SNX24: variants seen among roughly 807,000 people sequenced by gnomAD.
SNX24 encodes sorting nexin-24.
SNX24 carries 22 observed loss-of-function variants against 28.7 expected under a neutral mutation model. The observed-to-expected ratio is 0.77, with a 90% CI of 0.55 to 1.10. The LOEUF is 1.10. Among genes scored for constraint, SNX24 ranks in the 50% least tolerant of loss-of-function variants. SNX24 has a pLI of 0.00. For synonymous variants in SNX24, 69 were observed against 71.5 expected (o/e 0.96, Z 0.18); for missense variants, 221 against 201.1 (o/e 1.10, Z -0.60).
chr5:122,867,775 C>G (rs1329035143), intron 1 of SNX24, among the ~76,000 whole-genome samples: 1 of 152,182 alleles, frequency 6.6e-6, no homozygotes, highest in Non-Finnish European at 1.5e-5. Context: ...ACACAAATAC[C>G]TTCACAGTTT....
chr5:123,001,133 C>A (rs1056976868), intron 4 of SNX24, among the ~76,000 whole-genome samples: 1 of 152,224 alleles, frequency 6.6e-6, no homozygotes, highest in South Asian at 2.1e-4. Flanking sequence ...TGGCAGTGAG[C>A]GAAATGTTTT....
At chr5:123,026,079 G>T in intron 5 of SNX24, 1 of 900,828 alleles carries the variant, frequency 1.1e-6, no homozygotes. Flanking sequence ...AGGAGGTAGG[G>T]ATGGGGAAGA....
intron 1 of SNX24, among the ~76,000 whole-genome samples, chr5:122,859,551 A>G (rs982137629): frequency 1.3e-5 from 2 of 152,206 alleles, no homozygotes; most frequent in African/African-American, 2.4e-5. Context: ...ACAGTGAGCC[A>G]TGATCAATCT....
chr5:122,977,637 T>C (rs1164148070), intron 3 of SNX24, among the ~76,000 whole-genome samples: 2 of 152,252 alleles, frequency 1.3e-5, no homozygotes, highest in Non-Finnish European at 2.9e-5. Context: ...ATACCCTTGC[T>C]GCTGGTTGAC....
At chr5:122,899,974 C>T (rs1448546210) in intron 1 of SNX24, among the ~76,000 whole-genome samples, 1 of 152,018 alleles carries the variant, frequency 6.6e-6, no homozygotes, top group East Asian at 1.9e-4. Context: ...GAATAAATGA[C>T]AAATAAATAT....
At chr5:123,023,778 A>C in intron 5 of SNX24, 1 of 1,405,154 alleles carries the variant, frequency 7.1e-7, no homozygotes, top group Non-Finnish European at 9.3e-7. Context: ...AAAGTAAAAA[A>C]AAAAAAGCAA....
intron 5 of SNX24, among the ~76,000 whole-genome samples, chr5:123,015,621 C>T (rs1449026353): frequency 2.0e-5 from 3 of 152,180 alleles, no homozygotes; most frequent in Non-Finnish European, 4.4e-5. Flanking sequence ...CCCAGACTTG[C>T]TGAATCAGGC....
chr5:122,863,070 A>G (rs6894165), intron 1 of SNX24, among the ~76,000 whole-genome samples: 1,902 of 152,324 alleles, frequency 0.012, 43 homozygotes, highest in African/African-American at 0.044. Flanking sequence ...AAAATTCTCT[A>G]CCTTCAAGGA....
chr5:122,857,260 C>T (rs1755237345), intron 1 of SNX24, among the ~76,000 whole-genome samples: 1 of 152,110 alleles, frequency 6.6e-6, no homozygotes, highest in African/African-American at 2.4e-5. Flanking sequence ...GATCTGCCTG[C>T]CTCAGCCTCC....
intron 1 of SNX24, among the ~76,000 whole-genome samples, chr5:122,935,328 TGAA>T (rs1339795757): frequency 2.0e-5 from 3 of 152,126 alleles, no homozygotes; most frequent in Non-Finnish European, 4.4e-5. Flanking sequence ...GCAAGACCTT[TGAA>T]GAAGAATAAT....
At chr5:122,912,138 T>G (rs1031277610) in intron 1 of SNX24, among the ~76,000 whole-genome samples, 5 of 138,154 alleles carry the variant, frequency 3.6e-5, no homozygotes, top group African/African-American at 1.4e-4. Flanking sequence ...TATCCTCTTT[T>G]ATTTCCTTGA....
At chr5:122,985,174 A>G (rs1331441299) in intron 3 of SNX24, among the ~76,000 whole-genome samples, 1 of 152,152 alleles carries the variant, frequency 6.6e-6, no homozygotes, top group Non-Finnish European at 1.5e-5. Flanking sequence ...GTGTTTATTT[A>G]TTTCCCTGTG....
intron 3 of SNX24, among the ~76,000 whole-genome samples, chr5:122,957,766 A>C (rs1760276385): frequency 6.6e-6 from 1 of 152,180 alleles, no homozygotes; most frequent in African/African-American, 2.4e-5. Context: ...ATTCCTAAGT[A>C]TTTTATTCTC....
At chr5:122,927,081 A>G (rs1758731971) in intron 1 of SNX24, among the ~76,000 whole-genome samples, 1 of 152,240 alleles carries the variant, frequency 6.6e-6, no homozygotes, top group Admixed American at 6.5e-5. Flanking sequence ...TAAATGCCAG[A>G]TAGTGTTTTA....
chr5:122,986,651 T>G (rs948010200), intron 3 of SNX24, among the ~76,000 whole-genome samples: 2 of 151,968 alleles, frequency 1.3e-5, no homozygotes, highest in African/African-American at 4.8e-5. Flanking sequence ...GTGAATGAAC[T>G]GGAGATAAGA....
At chr5:122,896,661 A>C (rs1282004586) in intron 1 of SNX24, among the ~76,000 whole-genome samples, 1 of 152,230 alleles carries the variant, frequency 6.6e-6, no homozygotes, top group East Asian at 1.9e-4. Context: ...GGCCAAATTC[A>C]ACAATACCAT....
chr5:122,997,572 G>A (rs562310003), intron 3 of SNX24, among the ~76,000 whole-genome samples: 22 of 152,122 alleles, frequency 1.4e-4, no homozygotes, highest in Non-Finnish European at 3.2e-4. Context: ...ATCTGTCAAG[G>A]CAAATAAACA....
At chr5:122,900,924 G>C (rs1354952989) in intron 1 of SNX24, among the ~76,000 whole-genome samples, 1 of 152,204 alleles carries the variant, frequency 6.6e-6, no homozygotes, top group South Asian at 2.1e-4. Flanking sequence ...AATATGGCCA[G>C]GTGTGGTGGC....
At chr5:122,979,310 G>T (rs900166020) in intron 3 of SNX24, among the ~76,000 whole-genome samples, 2 of 152,194 alleles carry the variant, frequency 1.3e-5, no homozygotes, top group African/African-American at 2.4e-5. Context: ...AAGATGCATG[G>T]CTTACACTTT....
Sources: allele counts gnomAD v4.1 joint callset (sites outside exome capture counted in the v4.1 genomes callset), GRCh38; gene constraint gnomAD v4.1.1; transcripts MANE v1.5; gene names NCBI Gene and HGNC (gene_info 2026-07-23, HGNC 2026-07-21).